The following DHX15 variants were observed in gnomAD, a reference collection of about 807,000 sequenced individuals.
The protein encoded by DHX15 is DEAH-box helicase 15.
In DHX15, 11 loss-of-function variants were observed where a neutral mutation model predicts 94.4. The ratio of observed to expected loss-of-function variants is 0.12; its 90% confidence interval spans 0.07 to 0.19. The LOEUF (loss-of-function observed/expected upper bound fraction) is 0.19. DHX15 is among the 10% of genes least tolerant of loss of function. The pLI is 1.00. For synonymous variants in DHX15, 338 were observed against 329.9 expected, an observed-to-expected ratio of 1.02 and a Z score of -0.27; for missense variants, 304 against 988.5, an observed-to-expected ratio of 0.31 and a Z score of 9.29.
At chr4:24,579,704 A>G (rs1159836269) in intron 1 of DHX15, among the ~76,000 whole-genome samples, 4 of 152,232 alleles carry the variant, frequency 2.6e-5, no homozygotes, top group African/African-American at 9.6e-5. Flanking sequence ...ATGAGTTAAT[A>G]TATGTGATGT....
chr4:24,528,573 A>G (rs16875751), intron 13 of DHX15, among the ~76,000 whole-genome samples: 11,158 of 152,286 alleles, frequency 0.073, 443 homozygotes, highest in African/African-American at 0.1. Context: ...TTAAGTGTCA[A>G]AAGTCCCAAA....
chr4:24,579,597 G>A (rs556218475), intron 1 of DHX15, among the ~76,000 whole-genome samples: 21 of 152,232 alleles, frequency 1.4e-4, no homozygotes, highest in Admixed American at 5.2e-4. Flanking sequence ...TTCAATCTTG[G>A]CTCAAGACTT....
chr4:24,578,630 A>G (rs1428974720), intron 1 of DHX15, among the ~76,000 whole-genome samples: 1 of 152,084 alleles, frequency 6.6e-6, no homozygotes, highest in Non-Finnish European at 1.5e-5. Flanking sequence ...GGCTCACTGG[A>G]TCATGGCTCA....
At chr4:24,534,387 T>C (rs995041536) in intron 11 of DHX15, among the ~76,000 whole-genome samples, 5 of 152,228 alleles carry the variant, frequency 3.3e-5, no homozygotes, top group Non-Finnish European at 7.3e-5. Flanking sequence ...TCTCAATTTT[T>C]AGAATTCATG....
chr4:24,558,426 C>A (rs2109409835), intron 3 of DHX15, among the ~76,000 whole-genome samples: 1 of 152,236 alleles, frequency 6.6e-6, no homozygotes, highest in South Asian at 2.1e-4. Flanking sequence ...AAGCTTTAAT[C>A]AATCACAATA....
chr4:24,556,156 A>ATTT (rs1721734434), intron 4 of DHX15, 95 bp downstream of exon 4: 1 of 990,540 alleles, frequency 1.0e-6, no homozygotes, highest in South Asian at 2.5e-5. Context: ...TTTACAGGTG[A>ATTT]TTTCTTACAG....
Position 24,528,020 on chromosome 4 carries a change from T to C in DHX15, c.2292A>G (p.Gln764=), listed in dbSNP as rs376414878. Reference sequence around the variant, plus strand: ...GTGGGAAATTGCTCATGTCATAATATTGAGGGGCAATTTTCACCAACCTGT... The same window carrying C: ...GTGGGAAATTGCTCATGTCATAATACTGAGGGGCAATTTTCACCAACCTGT... The part of the protein sequence containing the change: ...KPEWLVKIAP[Q]YYDMSNFPQC... The change falls in exon 14 of 14, where the codon CAA becomes CAG. Residue 764 remains glutamine, a synonymous_variant. Coordinates refer to ENST00000336812, the MANE Select transcript of DHX15 (RefSeq NM_001358.3). 2.9e-5 allele frequency: 46 copies of C among 1,613,750 alleles called. No homozygotes were observed. The highest frequency in any genetic ancestry group is 2.8e-4 in the African/African-American group (21 of 74,916).
chr4:24,552,112 T>A (rs1390057145), intron 5 of DHX15, among the ~76,000 whole-genome samples: 2 of 152,212 alleles, frequency 1.3e-5, no homozygotes, highest in Non-Finnish European at 2.9e-5. Flanking sequence ...AAGTCAACAC[T>A]ATCAGCTGAG....
intron 8 of DHX15, 74 bp from the exon 9 acceptor site, chr4:24,541,022 T>G: frequency 1.3e-6 from 1 of 790,644 alleles, no homozygotes; most frequent in Non-Finnish European, 2.1e-6. Flanking sequence ...AACAAAAATC[T>G]GCTGCCTCCT....
intron 3 of DHX15, 41 bp downstream of exon 3, chr4:24,570,613 A>T: frequency 5.7e-6 from 9 of 1,585,650 alleles, no homozygotes; most frequent in Non-Finnish European, 7.8e-6. Flanking sequence ...AGAAAATGGC[A>T]AGCAGAGGAC....
chr4:24,553,598 A>G (rs1320917644), intron 5 of DHX15, among the ~76,000 whole-genome samples: 1 of 151,388 alleles, frequency 6.6e-6, no homozygotes, highest in African/African-American at 2.4e-5. Context: ...ACATAGTGAA[A>G]CCCCGTCTCT....
At chr4:24,547,893 G>GTATATATATATATATATATA (rs1403248233) in intron 6 of DHX15, among the ~76,000 whole-genome samples, 1 of 66,736 alleles carries the variant, frequency 1.5e-5, no homozygotes, top group Non-Finnish European at 3.3e-5. Context: ...CTCTCTCTAT[G>GTATATATATATATATATATA]TATGTATGTG....
chr4:24,534,525 C>T (rs534088522), intron 11 of DHX15, among the ~76,000 whole-genome samples: 28 of 152,208 alleles, frequency 1.8e-4, no homozygotes, highest in African/African-American at 6.7e-4. Flanking sequence ...AAAATTAAAT[C>T]TAAAACTGGA....
chr4:24,556,635 A>G (rs1721742676), intron 3 of DHX15, among the ~76,000 whole-genome samples: 1 of 152,236 alleles, frequency 6.6e-6, no homozygotes, highest in Non-Finnish European at 1.5e-5. Context: ...GAAAAATGTA[A>G]TACTGAAATG....
In DHX15 at chr4:24,537,827, C is replaced by T. The variant is rs1052926546; in HGVS notation, c.1787-654G>A. On this transcript the variant is annotated intron_variant, in intron 10 of 13. Transcript: ENST00000336812. The surrounding 1 kb of genome is among the most constrained non-coding windows in gnomAD (Gnocchi z 4.7). ...TTTGAATTAAGAAAATTCAAAAAGG[C>T]TGGGATATTCAGCCTAGTGTTTCAG... 1 of 152,170 alleles carries T rather than the reference C, an allele frequency of 6.6e-6. No individual in the cohort carries two copies. The highest frequency in any genetic ancestry group is 1.9e-4 in the East Asian group (1 of 5,184). 9.4% of individuals were successfully genotyped at this position (152,170 alleles called of 1,614,324 possible).
chr4:24,554,877 G>A lies in DHX15; in HGVS notation c.928C>T (p.Leu310=), dbSNP rs2109406939. 1 of 1,613,720 alleles carries A rather than the reference G, an allele frequency of 6.2e-7. No individual in the cohort carries two copies. Among genetic ancestry groups the A allele is most frequent in the South Asian group, 1.1e-5 (1 of 91,070 alleles). Residue 310 remains leucine, a synonymous_variant, in exon 5 of 14, where the codon CTA becomes TTA. Transcript: ENST00000336812. ...GGATGTGTACGCCCAGGAATAGTTA[G>A]GAGAGGACAGTTATCAAAGTAAATC... ...FQIYFDNCPL[L]TIPGRTHPVE... is the part of the protein sequence containing the mutation.
At chr4:24,549,594 C>T (rs1288049030) in intron 5 of DHX15, among the ~76,000 whole-genome samples, 3 of 152,142 alleles carry the variant, frequency 2.0e-5, no homozygotes, top group Non-Finnish European at 4.4e-5. Context: ...TGCTTACTGA[C>T]AGGAATATGT....
intron 7 of DHX15, among the ~76,000 whole-genome samples, chr4:24,542,691 C>T (rs1721337344): frequency 6.6e-6 from 1 of 151,424 alleles, no homozygotes; most frequent in African/African-American, 2.4e-5. Context: ...CCAAAACACC[C>T]ACCGTCACTA....
chr4:24,547,493 T>C (rs1283949232), intron 6 of DHX15, among the ~76,000 whole-genome samples: 3 of 152,160 alleles, frequency 2.0e-5, no homozygotes, highest in African/African-American at 7.2e-5. Flanking sequence ...GGCCCATATA[T>C]CTCAAAGAAG....
Sources: allele counts gnomAD v4.1 joint callset (sites outside exome capture counted in the v4.1 genomes callset), GRCh38; gene constraint gnomAD v4.1.1; non-coding constraint Gnocchi (gnomAD v3.1); transcripts MANE v1.5; gene names NCBI Gene and HGNC (gene_info 2026-07-23, HGNC 2026-07-21).